The following CPLANE1 variants were observed in gnomAD, a reference collection of about 807,000 sequenced individuals.
The protein encoded by CPLANE1 is ciliogenesis and planar polarity effector complex subunit 1, also known as ciliogenesis and planar polarity effector 1.
In CPLANE1, 263 loss-of-function variants were observed where a neutral mutation model predicts 362.5. The observed-to-expected ratio is 0.73, with a 90% CI of 0.66 to 0.80. The LOEUF (loss-of-function observed/expected upper bound fraction) is 0.80, where lower values mean the gene tolerates loss of function less well. CPLANE1 is among the 30% of genes least tolerant of loss of function. The pLI is 0.00. For synonymous variants in CPLANE1, 1,212 were observed against 1,302.6 expected, an observed-to-expected ratio of 0.93 and a Z score of 1.50; for missense variants, 3,461 against 3,793.4, an observed-to-expected ratio of 0.91 and a Z score of 2.30.
downstream of CPLANE1, among the ~76,000 whole-genome samples, chr5:37,101,826 T>C (rs1010747681): frequency 6.6e-6 from 1 of 152,178 alleles, no homozygotes; most frequent in Admixed American, 6.5e-5. Context: ...GGTTCAGTCT[T>C]GGGAGGGTGT....
the CPLANE1 span, among the ~76,000 whole-genome samples, chr5:37,091,005 T>A: frequency 6.6e-6 from 1 of 152,200 alleles, no homozygotes; most frequent in African/African-American, 2.4e-5. Flanking sequence ...AGTTATGACA[T>A]CACTGCTTGA....
intron 5 of CPLANE1, among the ~76,000 whole-genome samples, chr5:37,243,728 TTATA>T: frequency 6.8e-6 from 1 of 146,982 alleles, no homozygotes. Context: ...TATACATGTA[TTATA>T]TATAATATAT....
chr5:37,224,188 G>A, intron 14 of CPLANE1, 65 bp downstream of exon 14: 3 of 1,058,070 alleles, frequency 2.8e-6, no homozygotes, highest in South Asian at 3.0e-5. Context: ...TTACTGTTAA[G>A]GTCTACAGCA....
chr5:37,093,209 T>A, the CPLANE1 span, among the ~76,000 whole-genome samples: 1 of 152,186 alleles, frequency 6.6e-6, no homozygotes, highest in Non-Finnish European at 1.5e-5. Flanking sequence ...CCTTTGTAGA[T>A]AATCTGGCCA....
chr5:37,117,321 G>A (rs1389124625), intron 50 of CPLANE1, among the ~76,000 whole-genome samples: 2 of 150,610 alleles, frequency 1.3e-5, no homozygotes, highest in African/African-American at 4.9e-5. Flanking sequence ...GGGGCATGAA[G>A]TTTACAGGTA....
intron 44 of CPLANE1, chr5:37,140,934 A>G (rs1769529544): frequency 1.0e-6 from 1 of 983,976 alleles, no homozygotes; most frequent in Non-Finnish European, 1.2e-6. Flanking sequence ...TCTTCTTCCA[A>G]TGTGGCTCAG....
intron 6 of CPLANE1, among the ~76,000 whole-genome samples, chr5:37,242,174 G>A (rs1800692718): frequency 6.6e-6 from 1 of 151,784 alleles, no homozygotes; most frequent in African/African-American, 2.4e-5. Context: ...CTAACATGGT[G>A]AAACCCCGTC....
Position 37,110,979 on chromosome 5 carries a change from T to C in CPLANE1, c.9401-2508A>G, listed in dbSNP as rs1429337543. Among the ~76,000 whole-genome samples the C allele has an allele frequency of 2.0e-5, 3 of 150,278 alleles. No homozygotes were observed. In the East Asian group the frequency reaches 5.9e-4, roughly 29 times the overall value. On this transcript the variant is annotated intron_variant, in intron 51 of 52. Coordinates refer to ENST00000651892, the MANE Select transcript of CPLANE1 (RefSeq NM_001384732.1). Reference sequence around the variant, plus strand: ...CCCGCCACCACACCCGGCTAATTTTTTGTATTTTTAGTAGAGATGGGGTTT... The same window carrying C: ...CCCGCCACCACACCCGGCTAATTTTCTGTATTTTTAGTAGAGATGGGGTTT...
chr5:37,078,078 T>C, the CPLANE1 span, among the ~76,000 whole-genome samples: 1 of 152,058 alleles, frequency 6.6e-6, no homozygotes, highest in Non-Finnish European at 1.5e-5. Flanking sequence ...AAGGGGTACA[T>C]ATGCAGGATG....
chr5:37,193,037 C>T (rs1044825087), intron 21 of CPLANE1, among the ~76,000 whole-genome samples: 2 of 149,860 alleles, frequency 1.3e-5, no homozygotes, highest in Non-Finnish European at 3.0e-5. Context: ...TGTGGTGGCC[C>T]GCGCCTGTAA....
At chr5:37,215,446 A>G (rs1793774452) in intron 15 of CPLANE1, among the ~76,000 whole-genome samples, 1 of 152,152 alleles carries the variant, frequency 6.6e-6, no homozygotes, top group Non-Finnish European at 1.5e-5. Context: ...TATGTTAATC[A>G]ACTATTTATG....
At chr5:37,098,435 C>T in the CPLANE1 span, among the ~76,000 whole-genome samples, 1 of 147,916 alleles carries the variant, frequency 6.8e-6, no homozygotes, top group Non-Finnish European at 1.5e-5. Context: ...TACACCTACT[C>T]ACAGCATTAG....
At chr5:37,184,754 G>A in intron 25 of CPLANE1, 34 bp downstream of exon 25, 2 of 1,562,696 alleles carry the variant, frequency 1.3e-6, no homozygotes, top group Non-Finnish European at 8.7e-7. Flanking sequence ...TTCAAAGGAA[G>A]TGAATGCCAG....
rs984335002 is a variant in CPLANE1 at position 37,139,422 on chromosome 5, A to G, written c.8633-52T>C. The G allele has an allele frequency of 7.2e-5, 82 of 1,132,990 alleles. No homozygotes were observed. In the East Asian group the frequency reaches 2.4e-3, roughly 34 times the overall value. The allele number at this position is 1,132,990 out of a possible 1,614,324, so 70.2% of individuals were successfully genotyped here. A position where few individuals can be genotyped will look rare whatever the true frequency, so the allele number is the denominator to read the frequency against. ...AATTTTGGGTTTTTTTTTGCTTTCA[A>G]TTGTTAATCTAATTTAGAAATTATA... is the stretch of plus-strand genomic sequence containing the variant. On this transcript the variant is annotated intron_variant, in intron 44 of 52. Transcript: ENST00000651892.
chr5:37,095,690 C>T, the CPLANE1 span, among the ~76,000 whole-genome samples: 1 of 152,150 alleles, frequency 6.6e-6, no homozygotes, highest in Admixed American at 6.5e-5. Flanking sequence ...TTAACAATTC[C>T]TCCAGAAAGC....
intron 2 of CPLANE1, 117 bp from the exon 3 acceptor site, chr5:37,245,962 C>T: frequency 2.0e-6 from 2 of 1,017,582 alleles, no homozygotes; most frequent in Non-Finnish European, 2.7e-6. Flanking sequence ...CCATTTGTAC[C>T]ACAAATCATA....
intron 16 of CPLANE1, among the ~76,000 whole-genome samples, 184 bp from the exon 17 acceptor site, chr5:37,206,609 C>T (rs1280792994): frequency 6.6e-6 from 1 of 151,886 alleles, no homozygotes; most frequent in Non-Finnish European, 1.5e-5. Context: ...GAATGTGCCT[C>T]ATTCGTGGGT....
chr5:37,183,483 T>C lies in CPLANE1; in HGVS notation c.4698A>G (p.Leu1566=), dbSNP rs143312971. The C allele has an allele frequency of 5.8e-3, 9,367 of 1,613,182 alleles. 46 individuals carry two copies. The highest frequency in any genetic ancestry group is 7.2e-3 in the Non-Finnish European group (8,461 of 1,179,250). Residue 1566 remains leucine, a synonymous_variant, in exon 26 of 53, where the codon CTA becomes CTG. Transcript: ENST00000651892. ...GAATGTCAGCATCCCTGGAATAAGG[T>C]AGGTCTCTTTCAAGAATGTAACTCA... ...LFLSYILERD[L]PYSRDADIPF... is the part of the protein sequence containing the mutation.
chr5:37,092,800 C>G, the CPLANE1 span, among the ~76,000 whole-genome samples: 1 of 152,284 alleles, frequency 6.6e-6, no homozygotes, highest in Admixed American at 6.5e-5. Context: ...AACCTTTATT[C>G]ATACTGATCA....
Sources: allele counts gnomAD v4.1 joint callset (sites outside exome capture counted in the v4.1 genomes callset), GRCh38; gene constraint gnomAD v4.1.1; transcripts MANE v1.5; gene names NCBI Gene and HGNC (gene_info 2026-07-23, HGNC 2026-07-21).